Variants in MATN2 observed in about 807,000 individuals in gnomAD.
MATN2 encodes matrilin-2.
In MATN2, 69 loss-of-function variants were observed where a neutral mutation model predicts 103.2. That is an observed-to-expected ratio of 0.67 (90% CI 0.55 to 0.82). The LOEUF (loss-of-function observed/expected upper bound fraction) is 0.82. MATN2 is among the 40% of genes least tolerant of loss of function. MATN2 has a pLI of 0.00. For synonymous variants in MATN2, 429 were observed against 450.2 expected, an observed-to-expected ratio of 0.95 and a Z score of 0.60; for missense variants, 1,023 against 1,211.5, an observed-to-expected ratio of 0.84 and a Z score of 2.31.
intron 2 of MATN2, among the ~76,000 whole-genome samples, chr8:97,896,347 T>G (rs1215971337): frequency 3.9e-5 from 6 of 152,234 alleles, no homozygotes; most frequent in African/African-American, 1.4e-4. Context: ...CTGACATCCC[T>G]TCTATGTGGG....
chr8:97,895,147 A>G (rs1818768683), intron 2 of MATN2, among the ~76,000 whole-genome samples: 1 of 152,226 alleles, frequency 6.6e-6, no homozygotes, highest in South Asian at 2.1e-4. Context: ...TGCTGGAATT[A>G]CAGGCGTGAG....
rs781345571 is a variant in MATN2, at chr8:97,961,435, A to C, written c.863A>C (p.His288Pro). The change falls in exon 5 of 19, where the codon CAC (histidine) becomes CCC (proline). Residue 288 changes from histidine to proline, a missense_variant. His to Pro is a moderately conservative substitution (Grantham distance 77, BLOSUM62 -2). Coordinates refer to ENST00000254898, the MANE Select transcript of MATN2 (RefSeq NM_002380.5). ...CAGGATCTGTGTGCCATGGAGGACC[A>C]CAACTGTGAGCAGCTCTGTGTGAAT... ...RIQDLCAMEDHNCEQLCVNVP... is the reference protein window; with the variant it reads ...RIQDLCAMEDPNCEQLCVNVP... 2 of 1,613,414 alleles carry C rather than the reference A, an allele frequency of 1.2e-6. No individual in the cohort carries two copies. The highest frequency in any genetic ancestry group is 1.7e-6 in the Non-Finnish European group (2 of 1,179,596).
chr8:97,957,327 A>C (rs573646554), intron 4 of MATN2, among the ~76,000 whole-genome samples: 1 of 152,248 alleles, frequency 6.6e-6, no homozygotes, highest in African/African-American at 2.4e-5. Flanking sequence ...AAGCATAAGG[A>C]ATCATCCAAA....
chr8:97,995,674 T>C (rs1460451061), intron 7 of MATN2, among the ~76,000 whole-genome samples: 1 of 152,244 alleles, frequency 6.6e-6, no homozygotes, highest in Non-Finnish European at 1.5e-5. Flanking sequence ...AAAAGCACCA[T>C]GAGCTATTTA....
chr8:97,950,207 G>A lies in MATN2; in HGVS notation c.835+8308G>A, dbSNP rs1002314311. On this transcript the variant is annotated intron_variant, in intron 4 of 18. Transcript: ENST00000254898. ...ATTCATTAATCAGAACAAGGTTTCG[G>A]AAGTAAGTAGTGGCGCTGGACCAGA... Among the ~76,000 whole-genome samples the A allele has an allele frequency of 4.6e-5, 7 of 152,344 alleles. No homozygotes were observed. The South Asian group carries it at 1.2e-3, about 27-fold the overall frequency.
intron 6 of MATN2, among the ~76,000 whole-genome samples, chr8:97,990,976 G>GT (rs1281839583): frequency 6.6e-6 from 1 of 152,112 alleles, no homozygotes; most frequent in African/African-American, 2.4e-5. Context: ...GCATCAGATT[G>GT]TTTTTCTTGA....
chr8:97,930,821 A>G lies in MATN2; in HGVS notation c.143-132A>G, dbSNP rs532300854. The G allele has an allele frequency of 1.7e-3, 999 of 602,620 alleles. 26 individuals carry two copies. The South Asian group carries it at 0.02, about 12-fold the overall frequency. 37.3% of individuals were successfully genotyped at this position (602,620 alleles called of 1,614,324 possible). On this transcript the variant is annotated intron_variant, in intron 2 of 18. Coordinates refer to ENST00000254898, the MANE Select transcript of MATN2 (RefSeq NM_002380.5). ...ATTTTTAGTAGAGACAGGGTTTTACAGTGTTGACCAGGCTGGTCTTGAATT... is the reference window on the plus strand; with the variant it reads ...ATTTTTAGTAGAGACAGGGTTTTACGGTGTTGACCAGGCTGGTCTTGAATT...
At chr8:97,875,702 T>TTTG (rs1563638332) in intron 1 of MATN2, among the ~76,000 whole-genome samples, 1 of 134,690 alleles carries the variant, frequency 7.4e-6, no homozygotes, top group African/African-American at 2.8e-5. Flanking sequence ...TTTTTTTTTT[T>TTTG]TTTTTTTTTT....
At chr8:97,951,815 C>G (rs760441772) in intron 4 of MATN2, among the ~76,000 whole-genome samples, 3 of 152,164 alleles carry the variant, frequency 2.0e-5, no homozygotes, top group Admixed American at 1.3e-4. Context: ...GAGATTCCCC[C>G]CTTCCTCCTT....
At chr8:97,991,192 G>A (rs1352138374) in intron 6 of MATN2, among the ~76,000 whole-genome samples, 2 of 152,150 alleles carry the variant, frequency 1.3e-5, no homozygotes, top group Non-Finnish European at 2.9e-5. Flanking sequence ...GCCACACGTG[G>A]CCACTGAGCA....
chr8:97,925,636 A>C (rs2130122278), intron 2 of MATN2, among the ~76,000 whole-genome samples: 1 of 152,310 alleles, frequency 6.6e-6, no homozygotes, highest in South Asian at 2.1e-4. Flanking sequence ...TTTGAGTCTC[A>C]CAACAGTATT....
chr8:97,910,073 T>G (rs1473662740), intron 2 of MATN2, among the ~76,000 whole-genome samples: 1 of 150,666 alleles, frequency 6.6e-6, no homozygotes, highest in Non-Finnish European at 1.5e-5. Flanking sequence ...GACTTTTTTT[T>G]TTTTTTGAGA....
At chr8:97,975,852 C>T (rs147243325) in intron 5 of MATN2, among the ~76,000 whole-genome samples, 5 of 152,306 alleles carry the variant, frequency 3.3e-5, no homozygotes, top group African/African-American at 7.2e-5. Context: ...TAGCCTTCCT[C>T]GATCTCAGTG....
At chr8:97,935,497 GT>G (rs1379473618) in intron 3 of MATN2, among the ~76,000 whole-genome samples, 1 of 151,968 alleles carries the variant, frequency 6.6e-6, no homozygotes, top group Non-Finnish European at 1.5e-5. Context: ...GCTGGAGCTT[GT>G]TTTTTTGTTT....
chr8:97,919,908 C>G (rs988012421), intron 2 of MATN2, among the ~76,000 whole-genome samples: 8 of 152,146 alleles, frequency 5.3e-5, no homozygotes, highest in African/African-American at 9.7e-5. Context: ...TGGAGAATGG[C>G]CCATTAAGGA....
intron 4 of MATN2, among the ~76,000 whole-genome samples, chr8:97,957,115 G>A (rs1197985343): frequency 6.6e-6 from 1 of 152,178 alleles, no homozygotes; most frequent in African/African-American, 2.4e-5. Context: ...GGGGCCCAGG[G>A]GAAGAAGCCT....
chr8:97,941,734 A>G (rs1049275277), intron 3 of MATN2, 43 bp from the exon 4 acceptor site: 37 of 1,546,596 alleles, frequency 2.4e-5, no homozygotes, highest in Non-Finnish European at 2.5e-5. Flanking sequence ...GGAGTGAGAA[A>G]GGGCATCACT....
intron 10 of MATN2, among the ~76,000 whole-genome samples, chr8:98,008,220 A>C (rs1440325154): frequency 8.9e-6 from 1 of 111,932 alleles, no homozygotes; most frequent in Non-Finnish European, 1.8e-5. Flanking sequence ...CTGGTCCCAA[A>C]TCTTGTCTCA....
chr8:97,912,089 G>C (rs985998167), intron 2 of MATN2, among the ~76,000 whole-genome samples: 4 of 152,212 alleles, frequency 2.6e-5, no homozygotes, highest in African/African-American at 9.6e-5. Flanking sequence ...CTGCTGCCCC[G>C]TTACACTGCA....
Sources: allele counts gnomAD v4.1 joint callset (sites outside exome capture counted in the v4.1 genomes callset), GRCh38; gene constraint gnomAD v4.1.1; transcripts MANE v1.5; gene names NCBI Gene and HGNC (gene_info 2026-07-23, HGNC 2026-07-21).